The following ARID1A variants were observed in gnomAD, a reference collection of about 807,000 sequenced individuals.
ARID1A encodes AT-rich interactive domain-containing protein 1A.
In ARID1A, 20 loss-of-function variants were observed where a neutral mutation model predicts 212.6. The ratio of observed to expected loss-of-function variants is 0.09; its 90% confidence interval spans 0.07 to 0.14. The LOEUF is 0.14. Among genes scored for constraint, ARID1A ranks in the 10% least tolerant of loss-of-function variants. ARID1A has a pLI of 1.00. For missense variants in ARID1A, 2,587 were observed against 3,059.0 expected (o/e 0.85, Z 3.64); for synonymous variants, 1,376 against 1,222.1 (o/e 1.13, Z -2.63).
At position 26,781,527 on chromosome 1, in the gene ARID1A, C is replaced by T. The variant is rs2081195263; in HGVS notation, c.*771C>T. On this transcript the variant is annotated 3_prime_UTR_variant, in exon 20 of 20. Coordinates refer to ENST00000324856, the MANE Select transcript of ARID1A (RefSeq NM_006015.6). ...CTACAACACCCTGACCTCTTTCTCT[C>T]CTCCTTGATTGTATGAATAACCCTG... The T allele has an allele frequency of 4.3e-6, 1 of 233,426 alleles. No homozygotes were observed. The highest frequency in any genetic ancestry group is 2.2e-5 in the African/African-American group (1 of 45,332). The allele number at this position is 233,426 out of a possible 1,614,324, so 14.5% of individuals were successfully genotyped here. A position where few individuals can be genotyped will look rare whatever the true frequency, so the allele number is the denominator to read the frequency against.
chr1:26,732,326 A>G (rs1352008342), intron 3 of ARID1A, among the ~76,000 whole-genome samples: 3 of 152,204 alleles, frequency 2.0e-5, no homozygotes, highest in Admixed American at 2.0e-4. Flanking sequence ...ATGTCTTTGA[A>G]TGAAGCAGTA....
In ARID1A at chr1:26,731,560, T is replaced by G. The variant is rs763319506; in HGVS notation, c.1759T>G (p.Ser587Ala). Reference sequence around the variant, plus strand: ...GTATCCTCAGCCCCAGTCTCAGCAGTCCCAGCAAACTGCCTATTCCCAGCA... The same window carrying G: ...GTATCCTCAGCCCCAGTCTCAGCAGGCCCAGCAAACTGCCTATTCCCAGCA... The part of the protein sequence containing the change: ...AAYPQPQSQQ[S>A]QQTAYSQQRF... Residue 587 changes from serine to alanine, a missense_variant, in exon 3 of 20, where the codon TCC (serine) becomes GCC (alanine). This residue lies in a region of ARID1A where 674 missense variants were observed against 813.4 expected (regional missense o/e 0.83). Coordinates refer to ENST00000324856, the MANE Select transcript of ARID1A (RefSeq NM_006015.6). The G allele has an allele frequency of 6.8e-6, 11 of 1,614,092 alleles. No individual in the cohort carries two copies. The highest frequency in any genetic ancestry group is 8.5e-6 in the Non-Finnish European group (10 of 1,180,008).
In ARID1A at chr1:26,766,300, G is replaced by A. The variant is rs2124079904; in HGVS notation, c.2812G>A (p.Ala938Thr). The A allele has an allele frequency of 2.5e-6, 4 of 1,614,144 alleles. No homozygotes were observed. Among genetic ancestry groups the A allele is most frequent in the South Asian group, 2.2e-5 (2 of 91,084 alleles). The change falls in exon 9 of 20, where the codon GCT (alanine) becomes ACT (threonine). Residue 938 changes from alanine (A) to threonine (T), a missense_variant. By Grantham distance (58) the Ala-to-Thr change is moderately conservative (BLOSUM62 0). Coordinates refer to ENST00000324856, the MANE Select transcript of ARID1A (RefSeq NM_006015.6). ...PPYGQGINSM[A>T]GMINPQGPPY... is the part of the protein sequence containing the mutation. Reference sequence around the variant, plus strand: ...TTATGGACAAGGGATTAATAGTATGGCTGGCATGATCAACCCTCAGGGACC... The same window carrying A: ...TTATGGACAAGGGATTAATAGTATGACTGGCATGATCAACCCTCAGGGACC...
intron 4 of ARID1A, among the ~76,000 whole-genome samples, chr1:26,734,481 A>C (rs978570774): frequency 6.6e-6 from 1 of 151,950 alleles, no homozygotes; most frequent in African/African-American, 2.4e-5. Context: ...TTTTAGGCCC[A>C]GGGGATGGTT....
chr1:26,744,045 G>C (rs1250447725), intron 4 of ARID1A, among the ~76,000 whole-genome samples: 1 of 152,118 alleles, frequency 6.6e-6, no homozygotes, highest in Non-Finnish European at 1.5e-5. Flanking sequence ...TTATAGCCCA[G>C]GTGCTCTCTC....
chr1:26,728,591 A>G (rs1323052485), intron 1 of ARID1A, among the ~76,000 whole-genome samples: 7 of 152,206 alleles, frequency 4.6e-5, no homozygotes, highest in South Asian at 4.1e-4. Context: ...GCTAAAATCA[A>G]TGAACCACTG....
intron 4 of ARID1A, among the ~76,000 whole-genome samples, chr1:26,749,779 C>A (rs1423142653): frequency 6.6e-6 from 1 of 152,206 alleles, no homozygotes; most frequent in African/African-American, 2.4e-5. Context: ...ACAGCTCTTA[C>A]CAAGTTGCCA....
At chr1:26,715,033 A>G (rs1032237567) in intron 1 of ARID1A, among the ~76,000 whole-genome samples, 2 of 152,328 alleles carry the variant, frequency 1.3e-5, no homozygotes, top group African/African-American at 4.8e-5. Context: ...AGAACTATGT[A>G]TTAGAGAAAT....
intron 4 of ARID1A, among the ~76,000 whole-genome samples, chr1:26,740,412 A>G (rs1220269534): frequency 6.6e-6 from 1 of 152,228 alleles, no homozygotes; most frequent in African/African-American, 2.4e-5. Context: ...CAATAGTTGA[A>G]GGAAGAAGTC....
chr1:26,730,687 A>G (rs1390483940), intron 2 of ARID1A, among the ~76,000 whole-genome samples: 1 of 152,128 alleles, frequency 6.6e-6, no homozygotes. Context: ...TTTTTGAATG[A>G]AAACTAAATG....
At chr1:26,753,115 C>T (rs546205096) in intron 4 of ARID1A, 3 of 152,222 alleles carry the variant, frequency 2.0e-5, no homozygotes, top group Non-Finnish European at 4.4e-5. Flanking sequence ...AACTTCCCTC[C>T]TCTAACCCTG....
intron 1 of ARID1A, among the ~76,000 whole-genome samples, chr1:26,728,642 A>T (rs1186836883): frequency 6.6e-6 from 1 of 152,174 alleles, no homozygotes; most frequent in Admixed American, 6.5e-5. Flanking sequence ...CTAGAGTATC[A>T]GTATCTATTT....
chr1:26,765,993 G>A, intron 8 of ARID1A: 2 of 524,062 alleles, frequency 3.8e-6, no homozygotes, highest in Non-Finnish European at 6.6e-6. Flanking sequence ...AGTAAGCTAT[G>A]ATCACACCAC....
In ARID1A at chr1:26,780,135, C is replaced by T; in HGVS notation, c.6237C>T (p.Ser2079=). Residue 2079 remains serine (S), a synonymous_variant, in exon 20 of 20, where the codon AGC becomes AGT. Transcript: ENST00000324856. This position sits in a 1 kb window ranked among gnomAD's most constrained non-coding sequence, Gnocchi z 7.2. ...GQLDLSPYPE[S]ICLPVLDGLL... ...TGGACCTATCTCCATACCCCGAGAG[C>T]ATTTGCCTGCCTGTCCTGGACGGAC... 1 of 1,614,176 alleles carries T rather than the reference C, an allele frequency of 6.2e-7. No individual in the cohort carries two copies. Among genetic ancestry groups the T allele is most frequent in the African/African-American group, 1.3e-5 (1 of 75,032 alleles).
At chr1:26,727,983 C>T (rs2080634243) in intron 1 of ARID1A, 1 of 152,154 alleles carries the variant, frequency 6.6e-6, no homozygotes, top group Admixed American at 6.5e-5. Flanking sequence ...ATTCGAACTT[C>T]CTAAGTAACC....
chr1:26,780,794 G>C lies in ARID1A; in HGVS notation c.*38G>C, dbSNP rs114615474. 2 of 1,526,546 alleles carry C rather than the reference G, an allele frequency of 1.3e-6. No homozygotes were observed. The highest frequency in any genetic ancestry group is 1.9e-5 in the Admixed American group (1 of 51,616). 94.6% of individuals were successfully genotyped at this position (1,526,546 alleles called of 1,614,324 possible). On this transcript the variant is annotated 3_prime_UTR_variant, in exon 20 of 20. Coordinates refer to ENST00000324856, the MANE Select transcript of ARID1A (RefSeq NM_006015.6). This position sits in a 1 kb window ranked among gnomAD's most constrained non-coding sequence, Gnocchi z 7.2. ...ACCTCCCCCCCCCGTGTGTGTGTGC[G>C]TGTGTGGAGAACTTAGAAACTGACT...
intron 8 of ARID1A, chr1:26,765,863 TC>T: frequency 6.0e-6 from 1 of 165,642 alleles, no homozygotes; most frequent in Non-Finnish European, 1.3e-5. Context: ...AAACTCTGTC[TC>T]AAAAAAAAAA....
At chr1:26,718,250 C>A (rs926700812) in intron 1 of ARID1A, among the ~76,000 whole-genome samples, 1 of 152,244 alleles carries the variant, frequency 6.6e-6, no homozygotes, top group Non-Finnish European at 1.5e-5. Flanking sequence ...GCTGGGATTA[C>A]AGGCGTGAGC....
At chr1:26,703,855 G>C (rs764077334) in intron 1 of ARID1A, among the ~76,000 whole-genome samples, 32 of 152,208 alleles carry the variant, frequency 2.1e-4, no homozygotes, top group African/African-American at 4.1e-4. Context: ...TCTTAGGAAA[G>C]CATGCTTATG....
Sources: allele counts gnomAD v4.1 joint callset (sites outside exome capture counted in the v4.1 genomes callset), GRCh38; gene constraint gnomAD v4.1.1; regional missense constraint gnomAD v4.1.1; non-coding constraint Gnocchi (gnomAD v3.1); transcripts MANE v1.5; gene names NCBI Gene and HGNC (gene_info 2026-07-23, HGNC 2026-07-21).